CREBBP: variants seen among roughly 807,000 people sequenced by gnomAD.
The protein encoded by CREBBP is CREB-binding protein.
A neutral mutation model predicts 265.0 loss-of-function variants in CREBBP; 19 were observed. The observed-to-expected ratio is 0.07, with a 90% CI of 0.05 to 0.11. The LOEUF (loss-of-function observed/expected upper bound fraction) is 0.11, where lower values mean the gene tolerates loss of function less well. Ranked by LOEUF, CREBBP falls within the 10% of genes least tolerant of loss-of-function variation. The pLI is 1.00. For missense variants in CREBBP, 2,525 were observed against 3,219.0 expected (o/e 0.78, Z 5.22); for synonymous variants, 1,457 against 1,223.7 (o/e 1.19, Z -3.98).
chr16:3,734,682 C>T (rs1043858331), intron 28 of CREBBP, among the ~76,000 whole-genome samples: 7 of 152,214 alleles, frequency 4.6e-5, no homozygotes, highest in Non-Finnish European at 1.0e-4. Flanking sequence ...GGCGTAAACC[C>T]ACGCCACCCC....
intron 3 of CREBBP, among the ~76,000 whole-genome samples, chr16:3,798,305 T>C (rs1385546535): frequency 6.6e-6 from 1 of 152,148 alleles, no homozygotes; most frequent in Non-Finnish European, 1.5e-5. Context: ...GTGCAAGTGA[T>C]AAAAGAAAAA....
chr16:3,830,143 T>C (rs1440688329), intron 2 of CREBBP, among the ~76,000 whole-genome samples: 1 of 152,182 alleles, frequency 6.6e-6, no homozygotes, highest in African/African-American at 2.4e-5. Flanking sequence ...ATGCCTGTAA[T>C]CCCAGCACTT....
intron 28 of CREBBP, among the ~76,000 whole-genome samples, chr16:3,733,512 A>G (rs951858595): frequency 5.3e-5 from 8 of 152,178 alleles, no homozygotes; most frequent in Admixed American, 4.6e-4. Flanking sequence ...ACAATAATGC[A>G]TCAACATCAA....
chr16:3,788,544 A>G (rs560940079), intron 5 of CREBBP, among the ~76,000 whole-genome samples: 1 of 152,382 alleles, frequency 6.6e-6, no homozygotes, highest in African/African-American at 2.4e-5. Context: ...CAGGACTGAC[A>G]TAAGATACTT....
At chr16:3,862,101 T>C (rs1459696379) in intron 1 of CREBBP, among the ~76,000 whole-genome samples, 1 of 152,180 alleles carries the variant, frequency 6.6e-6, no homozygotes, top group Non-Finnish European at 1.5e-5. Flanking sequence ...TGTACTCTAA[T>C]TGAGGAAGAC....
intron 26 of CREBBP, chr16:3,737,107 CTCA>C: frequency 2.0e-6 from 1 of 506,066 alleles, no homozygotes; most frequent in Admixed American, 3.2e-5. Context: ...AATATGATGG[CTCA>C]TCAAGGCAAT....
At chr16:3,858,093 A>C (rs1186377036) in intron 1 of CREBBP, among the ~76,000 whole-genome samples, 2 of 152,222 alleles carry the variant, frequency 1.3e-5, no homozygotes, top group East Asian at 3.9e-4. Flanking sequence ...GATCACTCCT[A>C]AACACTGAAA....
In CREBBP at chr16:3,726,141, C is replaced by T. The variant is rs891014170; in HGVS notation, c.*1577G>A. 76 of 232,020 alleles carry T rather than the reference C, an allele frequency of 3.3e-4. No homozygotes were observed. The highest frequency in any genetic ancestry group is 5.4e-4 in the South Asian group (3 of 5,506). 14.4% of individuals were successfully genotyped at this position (232,020 alleles called of 1,614,324 possible). A position where few individuals can be genotyped will look rare whatever the true frequency, so the allele number is the denominator to read the frequency against. Reference sequence around the variant, plus strand: ...CCTCAGCATTTCCTCAAACGCCACACGGGACATGCTGCGCGGCAGCGGCAG... The same window carrying T: ...CCTCAGCATTTCCTCAAACGCCACATGGGACATGCTGCGCGGCAGCGGCAG... On this transcript the variant is annotated 3_prime_UTR_variant, in exon 31 of 31. Coordinates refer to ENST00000262367, the MANE Select transcript of CREBBP (RefSeq NM_004380.3).
chr16:3,868,659 C>T (rs1001370240), intron 1 of CREBBP, among the ~76,000 whole-genome samples: 3 of 152,152 alleles, frequency 2.0e-5, no homozygotes, highest in Non-Finnish European at 4.4e-5. Flanking sequence ...CTCTGGTGTC[C>T]TTCCTCCAAC....
In CREBBP at chr16:3,819,620, T is replaced by C. The variant is rs568081084; in HGVS notation, c.799-8841A>G. Among the ~76,000 whole-genome samples the C allele has an allele frequency of 2.6e-5, 4 of 152,340 alleles. 1 individual carries two copies. Among genetic ancestry groups the C allele is most frequent in the African/African-American group, 9.6e-5 (4 of 41,564 alleles). ...AAACACTGTGACAACAACAATCTTG[T>C]GCATTTGCTATTTGTAGAAATACTC... On this transcript the variant is annotated intron_variant, in intron 2 of 30. Coordinates refer to ENST00000262367, the MANE Select transcript of CREBBP (RefSeq NM_004380.3).
intron 12 of CREBBP, among the ~76,000 whole-genome samples, chr16:3,774,322 T>C (rs1201229444): frequency 1.3e-5 from 2 of 152,216 alleles, no homozygotes; most frequent in African/African-American, 4.8e-5. Context: ...TCTCCAGCCT[T>C]GGAACTCCCA....
intron 1 of CREBBP, among the ~76,000 whole-genome samples, chr16:3,878,527 T>G (rs1191156996): frequency 6.6e-6 from 1 of 152,252 alleles, no homozygotes; most frequent in Non-Finnish European, 1.5e-5. Flanking sequence ...TATCATAACT[T>G]GATTCCAGGA....
At chr16:3,763,460 C>A (rs181186951) in intron 16 of CREBBP, among the ~76,000 whole-genome samples, 192 of 152,164 alleles carry the variant, frequency 1.3e-3, no homozygotes, top group Non-Finnish European at 2.3e-3. Context: ...AAAGCCCAGC[C>A]TGAAACAATT....
rs372973112 is a variant in CREBBP at position 3,820,774 on chromosome 16, T to C, written c.799-9995A>G. On this transcript the variant is annotated intron_variant, in intron 2 of 30. Coordinates refer to ENST00000262367, the MANE Select transcript of CREBBP (RefSeq NM_004380.3). ...ATTTCGGAGGCTGAGGTGGGAGGACTGCTCGAACCCAAGAGGTTGAGGATG... is the reference window on the plus strand; with the variant it reads ...ATTTCGGAGGCTGAGGTGGGAGGACCGCTCGAACCCAAGAGGTTGAGGATG... Among the ~76,000 whole-genome samples the C allele has an allele frequency of 5.9e-5, 9 of 152,220 alleles. No homozygotes were observed. The South Asian group carries it at 1.2e-3, about 21-fold the overall frequency.
In CREBBP at chr16:3,727,074, G is replaced by C. The variant is rs1031929705; in HGVS notation, c.*644C>G. ...TTTGTCTAAAACCAGTTTTATCAGA[G>C]AAACAAAGCAACAATTTCTACATCT... On this transcript the variant is annotated 3_prime_UTR_variant, in exon 31 of 31. Transcript: ENST00000262367. 2.1e-5 allele frequency: 5 copies of C among 233,908 alleles called. No homozygotes were observed. The highest frequency in any genetic ancestry group is 1.7e-4 in the Admixed American group (3 of 17,810). The allele number at this position is 233,908 out of a possible 1,614,324, so 14.5% of individuals were successfully genotyped here.
chr16:3,810,264 T>A (rs1278912882), intron 3 of CREBBP, among the ~76,000 whole-genome samples: 1 of 152,148 alleles, frequency 6.6e-6, no homozygotes, highest in Non-Finnish European at 1.5e-5. Flanking sequence ...ACTGACATCA[T>A]CAAGCCACTA....
chr16:3,792,073 C>T lies in CREBBP; in HGVS notation c.1238G>A (p.Arg413Gln), dbSNP rs2053519213. 6.2e-7 allele frequency: 1 copy of T among 1,614,066 alleles called. No homozygotes were observed. The highest frequency in any genetic ancestry group is 8.5e-7 in the Non-Finnish European group (1 of 1,179,966). The stretch of plus-strand genomic sequence containing the variant: ...GTTCTTCCAATGAGAGATGATTTGT[C>T]GTGAAGATGCACAATGGGCAACTAT... ...ACQVAHCASSRQIISHWKNCT... is the reference protein window; with the variant it reads ...ACQVAHCASSQQIISHWKNCT... The change falls in exon 5 of 31, where the codon CGA becomes CAA. Residue 413 changes from arginine to glutamine, a missense_variant. This residue lies in a region of CREBBP where 7 missense variants were observed against 39.8 expected (regional missense o/e 0.18). Coordinates refer to ENST00000262367, the MANE Select transcript of CREBBP (RefSeq NM_004380.3).
At chr16:3,824,966 C>G (rs1030690462) in intron 2 of CREBBP, among the ~76,000 whole-genome samples, 1 of 152,174 alleles carries the variant, frequency 6.6e-6, no homozygotes. Flanking sequence ...TGGGATAGCA[C>G]ATGGGAAAAT....
chr16:3,774,770 T>C (rs2053096674), intron 11 of CREBBP, 77 bp from the exon 12 acceptor site: 1 of 1,577,774 alleles, frequency 6.3e-7, no homozygotes, highest in Non-Finnish European at 8.7e-7. Flanking sequence ...AAATAAACTC[T>C]TAAGTAAAAT....
Sources: allele counts gnomAD v4.1 joint callset (sites outside exome capture counted in the v4.1 genomes callset), GRCh38; gene constraint gnomAD v4.1.1; regional missense constraint gnomAD v4.1.1; transcripts MANE v1.5; gene names NCBI Gene and HGNC (gene_info 2026-07-23, HGNC 2026-07-21).